The following DMD variants were observed in gnomAD, a reference collection of about 807,000 sequenced individuals.
DMD encodes mutant dystrophin.
DMD carries 63 observed loss-of-function variants against 330.1 expected under a neutral mutation model. The ratio of observed to expected loss-of-function variants is 0.19; its 90% CI spans 0.16 to 0.24. DMD has a LOEUF of 0.24. Among genes scored for constraint, DMD ranks in the 10% least tolerant of loss-of-function variants. The pLI is 1.00. For missense variants in DMD, 3,344 were observed against 2,684.1 expected (o/e 1.25, Z -5.43); for synonymous variants, 1,223 against 959.8 (o/e 1.27, Z -5.07).
chrX:32,447,561 C>T (rs933961550), intron 27 of DMD, among the ~76,000 whole-genome samples: 3 of 111,185 alleles, frequency 2.7e-5, no homozygotes, highest in Non-Finnish European at 5.7e-5. Context: ...TGATCTGAAT[C>T]GTATCTTTCT....
intron 4 of DMD, among the ~76,000 whole-genome samples, chrX:32,838,160 C>A (rs1020618648): frequency 9.0e-6 from 1 of 111,680 alleles, no homozygotes; most frequent in African/African-American, 3.3e-5. Flanking sequence ...CTGTGCGATA[C>A]GTTTTCGTTA....
chrX:32,918,979 G>A (rs753923473), intron 2 of DMD, among the ~76,000 whole-genome samples: 1 of 112,240 alleles, frequency 8.9e-6, no homozygotes, highest in African/African-American at 3.2e-5. Flanking sequence ...CCCAAAGGAC[G>A]TTCAAAAGCT....
chrX:31,181,961 G>A (rs917262989), intron 68 of DMD, among the ~76,000 whole-genome samples: 13 of 112,033 alleles, frequency 1.2e-4, no homozygotes, highest in Non-Finnish European at 1.5e-4. Context: ...AATGTTAAGT[G>A]AGATTAATTC....
At chrX:31,777,868 T>A (rs1242326669) in intron 50 of DMD, among the ~76,000 whole-genome samples, 1 of 111,934 alleles carries the variant, frequency 8.9e-6, no homozygotes, top group Non-Finnish European at 1.9e-5. Flanking sequence ...CAATGGTTAT[T>A]GGCTCCTCAT....
chrX:32,711,691 T>C (rs1569480071), intron 7 of DMD, among the ~76,000 whole-genome samples: 1 of 112,063 alleles, frequency 8.9e-6, no homozygotes, highest in Non-Finnish European at 1.9e-5. Flanking sequence ...ACCCCATATC[T>C]CTACAGCACC....
chrX:33,130,002 A>G (rs1362357287), intron 1 of DMD, among the ~76,000 whole-genome samples: 1 of 112,005 alleles, frequency 8.9e-6, no homozygotes, highest in Non-Finnish European at 1.9e-5. Context: ...GCTTTTCCGA[A>G]CAAGTAAGTT....
intron 63 of DMD, among the ~76,000 whole-genome samples, chrX:31,247,862 T>C (rs893407246): frequency 1.8e-5 from 2 of 111,913 alleles, no homozygotes; most frequent in African/African-American, 6.5e-5. Context: ...CAAACTTTAA[T>C]GGATAGGGAG....
chrX:31,694,631 TATATATATATATATATATAC>T (rs2083329581), intron 52 of DMD, among the ~76,000 whole-genome samples: 1 of 89,096 alleles, frequency 1.1e-5, no homozygotes, highest in South Asian at 5.2e-4. Flanking sequence ...TATATATATA[TATATATATATATATATATAC>T]ACACACATAT....
At chrX:31,882,614 C>T (rs187012528) in intron 47 of DMD, among the ~76,000 whole-genome samples, 5 of 111,635 alleles carry the variant, frequency 4.5e-5, no homozygotes, top group African/African-American at 1.3e-4. Flanking sequence ...AAAAGATATT[C>T]GCAATGCATA....
At chrX:31,165,840 T>C (rs1047927500) in intron 74 of DMD, among the ~76,000 whole-genome samples, 1 of 111,753 alleles carries the variant, frequency 8.9e-6, no homozygotes, top group Non-Finnish European at 1.9e-5. Flanking sequence ...TGGGAGGCAC[T>C]ATGGGAAAAA....
intron 62 of DMD, among the ~76,000 whole-genome samples, chrX:31,289,967 C>G (rs2053569753): frequency 9.3e-6 from 1 of 107,393 alleles, no homozygotes; most frequent in Non-Finnish European, 1.9e-5. Context: ...GTCGCCCAGG[C>G]TGGAGTGCAG....
At chrX:31,178,324 A>G in intron 70 of DMD, 1 of 976,429 alleles carries the variant, frequency 1.0e-6, no homozygotes, top group African/African-American at 1.9e-5. Context: ...ACATTTACTG[A>G]TTTGTGAGAG....
At chrX:32,352,990 T>C (rs2097786902) in intron 37 of DMD, among the ~76,000 whole-genome samples, 1 of 111,407 alleles carries the variant, frequency 9.0e-6, no homozygotes, top group Non-Finnish European at 1.9e-5. Flanking sequence ...CACTGCCTTT[T>C]ATTTTATACA....
intron 7 of DMD, among the ~76,000 whole-genome samples, chrX:32,727,627 T>G (rs747433851): frequency 1.8e-5 from 2 of 110,880 alleles, no homozygotes; most frequent in Non-Finnish European, 3.8e-5. Flanking sequence ...GAAACATGAC[T>G]TTCCTAATTT....
intron 55 of DMD, among the ~76,000 whole-genome samples, chrX:31,592,969 C>A (rs1006665612): frequency 1.8e-5 from 2 of 111,270 alleles, no homozygotes; most frequent in Non-Finnish European, 3.8e-5. Context: ...AATTACTCAA[C>A]ACTTTTAGCT....
chrX:31,161,137 T>G (rs2038760377), intron 74 of DMD, among the ~76,000 whole-genome samples: 1 of 111,402 alleles, frequency 9.0e-6, no homozygotes, highest in African/African-American at 3.3e-5. Flanking sequence ...GGACAGCTAT[T>G]TTTGTTATTA....
At chrX:32,561,301 A>G (rs1021042655) in intron 16 of DMD, among the ~76,000 whole-genome samples, 1 of 111,282 alleles carries the variant, frequency 9.0e-6, no homozygotes, top group Admixed American at 9.6e-5. Flanking sequence ...ACCAGTTTAC[A>G]GAGGAACATG....
chrX:32,545,830 T>A (rs780845806), intron 16 of DMD, among the ~76,000 whole-genome samples: 5 of 111,342 alleles, frequency 4.5e-5, no homozygotes, highest in Non-Finnish European at 9.4e-5. Flanking sequence ...TTCAACTTGG[T>A]AATGAACGAC....
chrX:31,229,600 C>T (rs1327120553), intron 63 of DMD, among the ~76,000 whole-genome samples: 3 of 111,655 alleles, frequency 2.7e-5, no homozygotes, highest in Non-Finnish European at 5.6e-5. Context: ...TCCAAATCTC[C>T]CAGGTGGTAA....
Sources: gnomAD v4.1 joint callset for allele counts (sites outside exome capture counted in the v4.1 genomes callset) on GRCh38, gnomAD v4.1.1 for gene constraint, MANE v1.5 for transcripts, NCBI Gene and HGNC (gene_info 2026-07-23, HGNC 2026-07-21) for gene names.